The following HIRA variants were observed in gnomAD, a reference collection of about 807,000 sequenced individuals.
The protein encoded by HIRA is protein HIRA.
In HIRA, 13 loss-of-function variants were observed where a neutral mutation model predicts 126.6. The observed-to-expected ratio is 0.10, with a 90% CI of 0.07 to 0.16. HIRA has a LOEUF of 0.16. Among genes scored for constraint, HIRA ranks in the 10% least tolerant of loss-of-function variants. The pLI is 1.00. For synonymous variants in HIRA, 511 were observed against 520.0 expected (o/e 0.98, Z 0.24); for missense variants, 834 against 1,314.4 (o/e 0.63, Z 5.65).
At chr22:19,399,008 A>C (rs1179448400) in intron 5 of HIRA, 1 of 533,006 alleles carries the variant, frequency 1.9e-6, no homozygotes, top group Non-Finnish European at 2.4e-6. Flanking sequence ...AAAAACCCCA[A>C]AACCTATCCT....
intron 1 of HIRA, among the ~76,000 whole-genome samples, chr22:19,428,007 T>G (rs932968840): frequency 6.6e-6 from 1 of 152,220 alleles, no homozygotes; most frequent in Middle Eastern, 3.2e-3. Flanking sequence ...AACTGACACA[T>G]CTTCTATATA....
intron 24 of HIRA, among the ~76,000 whole-genome samples, chr22:19,343,840 T>C (rs1293265060): frequency 4.7e-5 from 7 of 149,870 alleles, no homozygotes; most frequent in East Asian, 4.0e-4. Flanking sequence ...GGCAGGAGGA[T>C]TGATTGAGCC....
intron 15 of HIRA, among the ~76,000 whole-genome samples, chr22:19,375,049 A>G (rs1220025169): frequency 6.6e-6 from 1 of 152,192 alleles, no homozygotes; most frequent in African/African-American, 2.4e-5. Context: ...CCTCAGGAGG[A>G]TGCACTACTG....
intron 14 of HIRA, among the ~76,000 whole-genome samples, chr22:19,376,453 C>T (rs1048661613): frequency 2.0e-5 from 3 of 152,190 alleles, no homozygotes; most frequent in African/African-American, 4.8e-5. Flanking sequence ...CACACCCAGG[C>T]TAACACCTTC....
At chr22:19,420,062 G>A (rs1235117975) in intron 1 of HIRA, among the ~76,000 whole-genome samples, 1 of 151,964 alleles carries the variant, frequency 6.6e-6, no homozygotes, top group Non-Finnish European at 1.5e-5. Flanking sequence ...GTGTGTGTGT[G>A]TGTGTGTGCA....
intron 24 of HIRA, among the ~76,000 whole-genome samples, chr22:19,337,197 T>C (rs564466833): frequency 1.5e-3 from 227 of 151,998 alleles, no homozygotes; most frequent in Middle Eastern, 0.014. Context: ...AGGCTGATTA[T>C]TAAGCTACTC....
rs1480838387 is a variant in HIRA, at chr22:19,424,828, G to A, written c.37+6612C>T. Among the ~76,000 whole-genome samples, 5 of 152,094 alleles carry A rather than the reference G, an allele frequency of 3.3e-5. 1 individual carries two copies. The highest frequency in any genetic ancestry group is 1.9e-4 in the East Asian group (1 of 5,192). The stretch of plus-strand genomic sequence containing the variant: ...AGAATTTCGAGGGTAATCTTCTATC[G>A]TATATAACAAGTCCTGAGATAGGTC... On this transcript the variant is annotated intron_variant, in intron 1 of 24. Transcript: ENST00000263208.
At chr22:19,338,771 A>G (rs183736128) in intron 24 of HIRA, among the ~76,000 whole-genome samples, 1 of 152,334 alleles carries the variant, frequency 6.6e-6, no homozygotes, top group Admixed American at 6.5e-5. Context: ...AAATATCACA[A>G]TCCTAAATAT....
At chr22:19,375,565 C>T (rs566726127) in intron 15 of HIRA, 66 bp downstream of exon 15, 7 of 1,550,076 alleles carry the variant, frequency 4.5e-6, no homozygotes, top group East Asian at 2.3e-5. Flanking sequence ...GGGAACACTG[C>T]CACTGTGCTG....
chr22:19,331,247 C>T lies in HIRA; in HGVS notation c.*193G>A. 2 of 1,510,166 alleles carry T rather than the reference C, an allele frequency of 1.3e-6. No homozygotes were observed. The highest frequency in any genetic ancestry group is 1.8e-6 in the Non-Finnish European group (2 of 1,130,000). 93.5% of individuals were successfully genotyped at this position (1,510,166 alleles called of 1,614,324 possible). ...TGGAGGGAGGGATGAGCTTCCCCCT[C>T]CTGAGGCAATGTCAGACCCAGGACA... On this transcript the variant is annotated 3_prime_UTR_variant, in exon 25 of 25. Transcript: ENST00000263208.
intron 17 of HIRA, among the ~76,000 whole-genome samples, chr22:19,360,715 C>T (rs2088855421): frequency 6.6e-6 from 1 of 152,246 alleles, no homozygotes; most frequent in Non-Finnish European, 1.5e-5. Context: ...ACCAGGAGGG[C>T]TCTGGGTATA....
rs1445818317 is a variant in HIRA at position 19,373,106 on chromosome 22, C to T, written c.1775+2525G>A. 2.0e-5 allele frequency among the ~76,000 whole-genome samples: 3 copies of T among 152,180 alleles called. No individual in the cohort carries two copies. The East Asian group carries it at 5.8e-4, about 29-fold the overall frequency. ...AAGAAACAGTTGCCTAATCCAAGGT[C>T]ACATAGATTTCTATCTATATTTTCT... On this transcript the variant is annotated intron_variant, in intron 15 of 24. Transcript: ENST00000263208.
In HIRA at chr22:19,331,183, C is replaced by G. The variant is rs1475597591; in HGVS notation, c.*257G>C. ...GGACTGCCTTGCTGGCCCCAGGGCA[C>G]CTGGGCAGAGCTCCAGCCCTAGCTC... is the stretch of plus-strand genomic sequence containing the variant. On this transcript the variant is annotated 3_prime_UTR_variant, in exon 25 of 25. Transcript: ENST00000263208. The G allele has an allele frequency of 7.1e-7, 1 of 1,406,630 alleles. No homozygotes were observed. Among genetic ancestry groups the G allele is most frequent in the African/African-American group, 1.4e-5 (1 of 70,034 alleles). 87.1% of individuals were successfully genotyped at this position (1,406,630 alleles called of 1,614,324 possible). A position where few individuals can be genotyped will look rare whatever the true frequency, so the allele number is the denominator to read the frequency against.
intron 2 of HIRA, among the ~76,000 whole-genome samples, chr22:19,408,879 C>A (rs150884267): frequency 6.6e-6 from 1 of 152,336 alleles, no homozygotes; most frequent in Admixed American, 6.5e-5. Flanking sequence ...GATCTGGCCT[C>A]TAACACGGAT....
intron 15 of HIRA, among the ~76,000 whole-genome samples, chr22:19,367,780 C>T (rs2088927622): frequency 2.0e-5 from 3 of 152,120 alleles, no homozygotes; most frequent in Admixed American, 1.3e-4. Flanking sequence ...GTAGCAAATT[C>T]AGTTTTTGCT....
chr22:19,357,157 T>TC, intron 18 of HIRA, 106 bp from the exon 19 acceptor site: 1 of 1,319,918 alleles, frequency 7.6e-7, no homozygotes, highest in Non-Finnish European at 1.1e-6. Context: ...AACAAGGGCC[T>TC]CCCCTGAGCA....
intron 15 of HIRA, among the ~76,000 whole-genome samples, chr22:19,371,923 C>T (rs1029955513): frequency 6.6e-6 from 1 of 152,156 alleles, no homozygotes; most frequent in Non-Finnish European, 1.5e-5. Context: ...CAGATGTGAA[C>T]ATTCATGTAT....
rs1556011544 is a variant in HIRA at position 19,353,492 on chromosome 22, G to C, written c.2712C>G (p.Phe904Leu). ...CTTGCTGCACCACATGAGGCACGGA[G>C]AAGAGCCGGGCAGCCTGCCTTCCCG... ...SNSGRQAARL[F>L]SVPHVVQQET... is the part of the protein sequence containing the mutation. The change falls in exon 23 of 25, where the codon TTC becomes TTG. Residue 904 changes from phenylalanine to leucine, a missense_variant. Transcript: ENST00000263208. 3.7e-6 allele frequency: 6 copies of C among 1,611,396 alleles called. No individual in the cohort carries two copies. The highest frequency in any genetic ancestry group is 5.1e-6 in the Non-Finnish European group (6 of 1,179,388).
At chr22:19,362,019 C>A (rs1460246779) in intron 15 of HIRA, 88 bp from the exon 16 acceptor site, 1 of 1,260,952 alleles carries the variant, frequency 7.9e-7, no homozygotes, top group Admixed American at 2.0e-5. Flanking sequence ...CTTAAACAAA[C>A]CTCTTGCCAA....
Sources: allele counts gnomAD v4.1 joint callset (sites outside exome capture counted in the v4.1 genomes callset), GRCh38; gene constraint gnomAD v4.1.1; transcripts MANE v1.5; gene names NCBI Gene and HGNC (gene_info 2026-07-23, HGNC 2026-07-21).